RAD51B: variants seen among roughly 807,000 people sequenced by gnomAD.
RAD51B encodes the protein RAD51 paralog B.
In RAD51B, 38 loss-of-function variants were observed where a neutral mutation model predicts 42.2. The ratio of observed to expected loss-of-function variants is 0.90; its 90% confidence interval spans 0.70 to 1.18. RAD51B has a LOEUF of 1.18. Ranked by LOEUF, RAD51B falls within the 50% of genes most tolerant of loss-of-function variation. RAD51B has a pLI of 0.00. For missense variants in RAD51B, 373 were observed against 400.7 expected (o/e 0.93, Z 0.59); for synonymous variants, 154 against 145.2 (o/e 1.06, Z -0.43).
chr14:68,446,954 T>C (rs1003317502), intron 9 of RAD51B, among the ~76,000 whole-genome samples: 1 of 152,264 alleles, frequency 6.6e-6, no homozygotes, highest in South Asian at 2.1e-4. Flanking sequence ...CGGTGGCTCA[T>C]GCCTGTAATC....
At chr14:68,369,399 C>G (rs761335654) in intron 8 of RAD51B, among the ~76,000 whole-genome samples, 1 of 152,134 alleles carries the variant, frequency 6.6e-6, no homozygotes, top group South Asian at 2.1e-4. Context: ...GGAAACCTTC[C>G]GTGAGAAAAT....
At chr14:68,566,427 A>T (rs1407742933) in intron 10 of RAD51B, among the ~76,000 whole-genome samples, 2 of 152,260 alleles carry the variant, frequency 1.3e-5, no homozygotes, top group African/African-American at 4.8e-5. Context: ...AATTTCAAAC[A>T]GCAAGTCAGC....
chr14:68,518,869 A>G (rs1239540226), intron 10 of RAD51B, among the ~76,000 whole-genome samples: 7 of 152,164 alleles, frequency 4.6e-5, no homozygotes, highest in African/African-American at 1.7e-4. Flanking sequence ...CAAACCATTC[A>G]AAAAACGAAG....
chr14:68,577,151 T>A (rs1889997231), intron 10 of RAD51B, among the ~76,000 whole-genome samples: 1 of 152,210 alleles, frequency 6.6e-6, no homozygotes, highest in South Asian at 2.1e-4. Context: ...TCTTGACCTT[T>A]AGCCTAAAAA....
At chr14:68,012,608 A>G (rs1231720372) in intron 7 of RAD51B, among the ~76,000 whole-genome samples, 1 of 152,136 alleles carries the variant, frequency 6.6e-6, no homozygotes, top group African/African-American at 2.4e-5. Flanking sequence ...TTATAGTCTT[A>G]GTGTTAGGGT....
intron 8 of RAD51B, among the ~76,000 whole-genome samples, chr14:68,341,664 T>TG (rs2082574918): frequency 6.6e-6 from 1 of 152,188 alleles, no homozygotes; most frequent in Non-Finnish European, 1.5e-5. Context: ...GGAGGAGCAA[T>TG]GCAGCAGTCT....
chr14:68,270,510 G>A (rs1329351691), intron 7 of RAD51B, among the ~76,000 whole-genome samples: 1 of 152,218 alleles, frequency 6.6e-6, no homozygotes, highest in African/African-American at 2.4e-5. Flanking sequence ...CTCATGGAAA[G>A]TGTAATATAG....
At chr14:67,861,977 G>A (rs193139623) in intron 4 of RAD51B, among the ~76,000 whole-genome samples, 2 of 135,154 alleles carry the variant, frequency 1.5e-5, no homozygotes, top group African/African-American at 7.1e-5. Flanking sequence ...TCAGTCAGTG[G>A]GGGGGAAGGG....
intron 5 of RAD51B, among the ~76,000 whole-genome samples, chr14:67,881,014 G>A (rs974082545): frequency 2.0e-5 from 3 of 152,084 alleles, no homozygotes; most frequent in African/African-American, 2.4e-5. Flanking sequence ...AGCCTACTGC[G>A]CACCTAGACT....
chr14:67,910,969 AC>A (rs2043959749), intron 7 of RAD51B, among the ~76,000 whole-genome samples: 2 of 151,854 alleles, frequency 1.3e-5, no homozygotes, highest in Admixed American at 6.6e-5. Flanking sequence ...GCTCCACCAC[AC>A]CCGGCTAATT....
chr14:68,475,907 A>C (rs371956658), intron 10 of RAD51B, among the ~76,000 whole-genome samples: 1 of 152,170 alleles, frequency 6.6e-6, no homozygotes, highest in Non-Finnish European at 1.5e-5. Flanking sequence ...ATTTTCTTTG[A>C]AAGTCTCTTC....
intron 10 of RAD51B, among the ~76,000 whole-genome samples, chr14:68,625,177 G>A (rs957303739): frequency 1.3e-5 from 2 of 152,138 alleles, no homozygotes; most frequent in Non-Finnish European, 2.9e-5. Flanking sequence ...AAAGTTGGAA[G>A]ACTGGGATAT....
At chr14:68,468,582 T>C (rs1168946285) in intron 10 of RAD51B, 4 of 372,916 alleles carry the variant, frequency 1.1e-5, no homozygotes, top group Non-Finnish European at 1.6e-5. Flanking sequence ...GGGCAATGAT[T>C]CTGACACCAG....
In RAD51B at chr14:67,898,220, C is replaced by T. The variant is rs76827190; in HGVS notation, c.756+11016C>T. Among the ~76,000 whole-genome samples the T allele has an allele frequency of 6.9e-3, 1,051 of 152,230 alleles. 12 individuals are homozygous for T. Among genetic ancestry groups the T allele is most frequent in the African/African-American group, 0.024 (986 of 41,534 alleles). On this transcript the variant is annotated intron_variant, in intron 7 of 10. Transcript: ENST00000471583. ...GGAAAAAGAAAATGTCATATACACACACAATGATATATTATTTAGCCTTAA... is the reference window on the plus strand; with the variant it reads ...GGAAAAAGAAAATGTCATATACACATACAATGATATATTATTTAGCCTTAA...
intron 9 of RAD51B, among the ~76,000 whole-genome samples, chr14:68,453,844 T>A (rs572278700): frequency 3.3e-5 from 5 of 152,232 alleles, no homozygotes; most frequent in Non-Finnish European, 7.3e-5. Context: ...AAATATTTTA[T>A]GTTTTAAATA....
At chr14:68,509,784 TGG>T (rs1885594712) in intron 10 of RAD51B, among the ~76,000 whole-genome samples, 1 of 152,186 alleles carries the variant, frequency 6.6e-6, no homozygotes, top group African/African-American at 2.4e-5. Flanking sequence ...AAGGCAGCCA[TGG>T]ACAATACATA....
intron 7 of RAD51B, among the ~76,000 whole-genome samples, chr14:68,199,192 G>C (rs552782437): frequency 2.0e-5 from 3 of 152,134 alleles, no homozygotes; most frequent in Non-Finnish European, 4.4e-5. Flanking sequence ...TTGGCATCCA[G>C]AATAGAAGCA....
At chr14:68,324,811 G>A (rs1796657898) in intron 8 of RAD51B, among the ~76,000 whole-genome samples, 2 of 152,100 alleles carry the variant, frequency 1.3e-5, no homozygotes, top group Admixed American at 6.5e-5. Context: ...ATCTACTCAT[G>A]CTTTACTTCG....
chr14:68,374,849 G>A (rs752236761), intron 8 of RAD51B, among the ~76,000 whole-genome samples: 22 of 150,844 alleles, frequency 1.5e-4, no homozygotes, highest in Middle Eastern at 3.2e-3. Context: ...TTTTACCTGC[G>A]CTGAGGGATC....
Sources: allele counts gnomAD v4.1 joint callset (sites outside exome capture counted in the v4.1 genomes callset), GRCh38; gene constraint gnomAD v4.1.1; transcripts MANE v1.5; gene names NCBI Gene and HGNC (gene_info 2026-07-23, HGNC 2026-07-21).